LYRM4: variants seen among roughly 807,000 people sequenced by gnomAD.
LYRM4 encodes LYR motif containing 4.
In LYRM4, 9 loss-of-function variants were observed where a neutral mutation model predicts 11.7. That is an observed-to-expected ratio of 0.77 (90% CI 0.46 to 1.34). The LOEUF is 1.34. Ranked by LOEUF, LYRM4 falls within the 40% of genes most tolerant of loss-of-function variation. The pLI is 0.00. For synonymous variants in LYRM4, 42 were observed against 40.4 expected (o/e 1.04, Z -0.15); for missense variants, 133 against 112.5 (o/e 1.18, Z -0.82).
At chr6:5,075,328 G>A in the LYRM4 span, among the ~76,000 whole-genome samples, 1 of 152,176 alleles carries the variant, frequency 6.6e-6, no homozygotes, top group Admixed American at 6.5e-5. Flanking sequence ...GCTAAATTTG[G>A]AGCAGAGGGA....
At chr6:5,172,529 C>T (rs895848903) in intron 2 of LYRM4, among the ~76,000 whole-genome samples, 2 of 152,116 alleles carry the variant, frequency 1.3e-5, no homozygotes, top group African/African-American at 4.8e-5. Flanking sequence ...AGCTCTCCTC[C>T]CAGGGACTGA....
intron 1 of LYRM4, among the ~76,000 whole-genome samples, chr6:5,220,427 G>A (rs1398088795): frequency 1.3e-5 from 2 of 152,146 alleles, no homozygotes; most frequent in African/African-American, 2.4e-5. Flanking sequence ...AAACACATCT[G>A]TGCCTTTTCT....
At chr6:5,078,834 T>C in the LYRM4 span, among the ~76,000 whole-genome samples, 1 of 152,202 alleles carries the variant, frequency 6.6e-6, no homozygotes, top group Non-Finnish European at 1.5e-5. Flanking sequence ...CCCTGAAAAA[T>C]CACTGTGGCT....
intron 2 of LYRM4, among the ~76,000 whole-genome samples, chr6:5,140,554 A>G (rs1561823485): frequency 6.6e-6 from 1 of 152,216 alleles, no homozygotes. Flanking sequence ...ACAAGTAGAA[A>G]GTACTTAAGT....
chr6:5,228,112 G>A (rs1225969916), intron 1 of LYRM4, among the ~76,000 whole-genome samples: 1 of 151,952 alleles, frequency 6.6e-6, no homozygotes, highest in East Asian at 1.9e-4. Context: ...TAAGAAACCT[G>A]CACATGTATC....
chr6:5,071,556 G>A, the LYRM4 span, among the ~76,000 whole-genome samples: 193 of 152,012 alleles, frequency 1.3e-3, 1 homozygote, highest in African/African-American at 4.5e-3. Flanking sequence ...GTGTGTGTGT[G>A]TGTGTATATG....
At chr6:5,067,275 C>T in the LYRM4 span, among the ~76,000 whole-genome samples, 2 of 152,146 alleles carry the variant, frequency 1.3e-5, no homozygotes, top group Admixed American at 1.3e-4. Context: ...CTTAGTATGT[C>T]GTTAGCAACA....
chr6:5,120,162 T>G (rs1387387653), intron 2 of LYRM4, among the ~76,000 whole-genome samples: 1 of 152,142 alleles, frequency 6.6e-6, no homozygotes, highest in Non-Finnish European at 1.5e-5. Flanking sequence ...CCCAAAGTGC[T>G]AGGATTATAG....
chr6:5,094,171 C>T, the LYRM4 span, among the ~76,000 whole-genome samples: 1 of 152,176 alleles, frequency 6.6e-6, no homozygotes, highest in Non-Finnish European at 1.5e-5. Context: ...AAAAAAACCT[C>T]ATTTACCTCT....
chr6:5,141,023 A>C lies in LYRM4; in HGVS notation c.208-31532T>G, dbSNP rs183233124. Among the ~76,000 whole-genome samples the C allele has an allele frequency of 2.6e-5, 4 of 152,268 alleles. No homozygotes were observed. In the East Asian group the frequency reaches 7.7e-4, roughly 29 times the overall value. The stretch of plus-strand genomic sequence containing the variant: ...TCTGTGTGTGATCATGACTACCACT[A>C]CCTTATGGTTATAATTATTCTGGAT... On this transcript the variant is annotated intron_variant, in intron 2 of 2. Coordinates refer to ENST00000330636, the MANE Select transcript of LYRM4 (RefSeq NM_020408.6).
intron 1 of LYRM4, among the ~76,000 whole-genome samples, chr6:5,238,954 AG>A (rs1439420646): frequency 6.6e-6 from 1 of 152,272 alleles, no homozygotes; most frequent in Admixed American, 6.5e-5. Flanking sequence ...TAGCCTCTAA[AG>A]GAAGAATTCT....
the LYRM4 span, among the ~76,000 whole-genome samples, chr6:5,035,616 C>T: frequency 0.24 from 135 of 558 alleles, 61 homozygotes; most frequent in East Asian, 1. Context: ...CCCTCCCTCC[C>T]TCCCCTCCCC....
chr6:5,058,702 CCT>C, the LYRM4 span, among the ~76,000 whole-genome samples: 8 of 152,174 alleles, frequency 5.3e-5, no homozygotes, highest in African/African-American at 9.7e-5. Context: ...TCTTTATTCC[CCT>C]GTTATTTTTC....
intron 1 of LYRM4, among the ~76,000 whole-genome samples, chr6:5,237,843 T>C (rs767171870): frequency 1.3e-4 from 20 of 152,246 alleles, no homozygotes; most frequent in Non-Finnish European, 1.9e-4. Flanking sequence ...GAAACTGTTG[T>C]ACTTATGCTG....
chr6:5,198,176 C>T (rs1437961308), intron 2 of LYRM4, among the ~76,000 whole-genome samples: 4 of 152,046 alleles, frequency 2.6e-5, no homozygotes, highest in East Asian at 1.9e-4. Context: ...CCAGCCTGGG[C>T]AACAAGAGTG....
chr6:5,109,469 GA>G lies in LYRM4; in HGVS notation c.229del (p.Ser77GlnfsTer5). On this transcript the variant is annotated frameshift_variant, in exon 3 of 3. Coordinates refer to ENST00000330636, the MANE Select transcript of LYRM4 (RefSeq NM_020408.6). LOFTEE classifies it high-confidence loss of function. ...ATTCTCAATGATCAGCTTGTCAGTT[GA>G]ATACAGTTGGCCAATGTGGACCTGA... is the stretch of plus-strand genomic sequence containing the variant. ...RRQVHIGQLY[S>X]TDKLIIENRD... 6.2e-7 allele frequency: 1 copy of G among 1,614,094 alleles called. No homozygotes were observed. The highest frequency in any genetic ancestry group is 8.5e-7 in the Non-Finnish European group (1 of 1,179,950).
At chr6:5,226,418 C>T (rs749066678) in intron 1 of LYRM4, among the ~76,000 whole-genome samples, 14 of 152,138 alleles carry the variant, frequency 9.2e-5, no homozygotes, top group Non-Finnish European at 1.8e-4. Context: ...GAGTTTTGCT[C>T]TTGTTGCCCA....
At chr6:5,114,144 G>A (rs111226704) in intron 2 of LYRM4, among the ~76,000 whole-genome samples, 3,635 of 152,230 alleles carry the variant, frequency 0.024, 50 homozygotes, top group Middle Eastern at 0.078. Flanking sequence ...GTGCCTGCCC[G>A]CCCTCCAGTT....
intron 2 of LYRM4, among the ~76,000 whole-genome samples, chr6:5,121,555 G>A (rs1763459945): frequency 6.6e-6 from 1 of 152,174 alleles, no homozygotes. Flanking sequence ...GGATCCCCGA[G>A]ACAAAAGCAT....
Sources: allele counts gnomAD v4.1 joint callset (sites outside exome capture counted in the v4.1 genomes callset), GRCh38; gene constraint gnomAD v4.1.1; transcripts MANE v1.5; gene names NCBI Gene and HGNC (gene_info 2026-07-23, HGNC 2026-07-21).